The following XKR6 variants were observed in gnomAD, a reference collection of about 807,000 sequenced individuals.
XKR6 encodes the protein XK related 6.
Under a neutral mutation model 56.7 loss-of-function variants are expected in XKR6, and 22 were observed. The ratio of observed to expected loss-of-function variants is 0.39; its 90% CI spans 0.28 to 0.55. The LOEUF (loss-of-function observed/expected upper bound fraction) is 0.55. Among genes scored for constraint, XKR6 ranks in the 20% least tolerant of loss-of-function variants. XKR6 has a pLI of 0.66. For missense variants in XKR6, 852 were observed against 889.0 expected (o/e 0.96, Z 0.53); for synonymous variants, 524 against 387.8 (o/e 1.35, Z -4.13).
At chr8:10,983,246 T>C (rs1270403767) in intron 1 of XKR6, among the ~76,000 whole-genome samples, 2 of 152,068 alleles carry the variant, frequency 1.3e-5, no homozygotes, top group East Asian at 3.8e-4. Flanking sequence ...CCTGCTTTTT[T>C]TGGGAAAAAA....
chr8:11,111,353 T>C (rs968135827), intron 1 of XKR6, among the ~76,000 whole-genome samples: 11 of 152,144 alleles, frequency 7.2e-5, no homozygotes, highest in African/African-American at 2.4e-5. Flanking sequence ...CTGCCCTACA[T>C]AGTAACGTCT....
intron 1 of XKR6, among the ~76,000 whole-genome samples, chr8:11,164,357 C>A (rs1203356148): frequency 3.9e-5 from 6 of 152,258 alleles, no homozygotes; most frequent in Non-Finnish European, 7.3e-5. Context: ...GGGGTCCAGG[C>A]TCTTTTCCCA....
intron 1 of XKR6, among the ~76,000 whole-genome samples, chr8:11,114,377 T>C (rs2129180887): frequency 6.6e-6 from 1 of 152,326 alleles, no homozygotes; most frequent in East Asian, 1.9e-4. Context: ...ACTTATTTAT[T>C]TGAGACAGAG....
intron 1 of XKR6, among the ~76,000 whole-genome samples, chr8:11,045,021 T>C (rs1342610519): frequency 2.0e-5 from 3 of 151,272 alleles, no homozygotes; most frequent in Non-Finnish European, 2.9e-5. Context: ...CTTTGCTTAC[T>C]TGTAACATTC....
intron 1 of XKR6, among the ~76,000 whole-genome samples, chr8:11,065,533 C>G (rs1161524716): frequency 1.3e-5 from 2 of 151,994 alleles, no homozygotes; most frequent in Non-Finnish European, 2.9e-5. Context: ...GCAGTCTCAT[C>G]TACTTATTTT....
At chr8:10,990,198 G>A (rs184489541) in intron 1 of XKR6, among the ~76,000 whole-genome samples, 17 of 152,346 alleles carry the variant, frequency 1.1e-4, no homozygotes, top group Admixed American at 6.5e-4. Flanking sequence ...GTGATTTTCA[G>A]TGCAGTGGCA....
Position 10,926,771 on chromosome 8 carries a change from G to A in XKR6, c.765-1941C>T, listed in dbSNP as rs1429431455. ...TTCAAGGTTCTGCCACCTGCTGACT[G>A]TGGCATTTCCACTAGGTGTTGCCTT... On this transcript the variant is annotated intron_variant, in intron 1 of 2. Transcript: ENST00000416569. Among the ~76,000 whole-genome samples the A allele has an allele frequency of 2.0e-5, 3 of 152,260 alleles. No homozygotes were observed. The East Asian group carries it at 5.8e-4, about 29-fold the overall frequency.
intron 2 of XKR6, among the ~76,000 whole-genome samples, chr8:10,914,422 T>C (rs545047326): frequency 6.6e-6 from 1 of 152,290 alleles, no homozygotes; most frequent in South Asian, 2.1e-4. Flanking sequence ...GGAAAGATCT[T>C]TTGGAGATCA....
chr8:10,950,106 G>A (rs1403290814), intron 1 of XKR6, among the ~76,000 whole-genome samples: 2 of 151,942 alleles, frequency 1.3e-5, no homozygotes, highest in African/African-American at 4.8e-5. Flanking sequence ...GATGGAAGCA[G>A]GGGTGGCTGA....
intron 1 of XKR6, among the ~76,000 whole-genome samples, chr8:10,939,258 C>T (rs1267570017): frequency 6.6e-6 from 1 of 152,222 alleles, no homozygotes; most frequent in Non-Finnish European, 1.5e-5. Flanking sequence ...AGAGCCCTGG[C>T]AGAGAAGAAT....
intron 1 of XKR6, among the ~76,000 whole-genome samples, chr8:11,168,396 T>C (rs190517330): frequency 7.1e-4 from 108 of 152,184 alleles, no homozygotes; most frequent in Non-Finnish European, 1.3e-3. Flanking sequence ...TCCCAAAATA[T>C]AGGAAGCAAG....
At chr8:11,112,773 G>A (rs1798968835) in intron 1 of XKR6, among the ~76,000 whole-genome samples, 1 of 152,146 alleles carries the variant, frequency 6.6e-6, no homozygotes, top group Non-Finnish European at 1.5e-5. Flanking sequence ...CAACCTAATG[G>A]GGCCCAGATT....
intron 1 of XKR6, among the ~76,000 whole-genome samples, chr8:10,968,499 C>T (rs1028825906): frequency 1.3e-5 from 2 of 152,350 alleles, no homozygotes; most frequent in Non-Finnish European, 2.9e-5. Context: ...GTGGGCTCCT[C>T]TGCAGAACTC....
chr8:11,020,497 T>C (rs1427477051), intron 1 of XKR6, among the ~76,000 whole-genome samples: 16 of 152,174 alleles, frequency 1.1e-4, no homozygotes, highest in Non-Finnish European at 5.9e-5. Flanking sequence ...AGGGTGCTTG[T>C]AAGAACCCAT....
intron 1 of XKR6, among the ~76,000 whole-genome samples, chr8:11,155,070 T>C (rs1045991966): frequency 9.9e-5 from 15 of 152,222 alleles, no homozygotes; most frequent in Non-Finnish European, 1.9e-4. Flanking sequence ...GCCAGAACCA[T>C]GGTTTCATCC....
intron 1 of XKR6, among the ~76,000 whole-genome samples, chr8:11,044,255 A>G (rs575985985): frequency 6.6e-6 from 1 of 152,340 alleles, no homozygotes; most frequent in South Asian, 2.1e-4. Context: ...TAAGTCTCCA[A>G]CCAAAAATGA....
At chr8:11,128,892 A>G in intron 1 of XKR6, 1 of 456,836 alleles carries the variant, frequency 2.2e-6, no homozygotes, top group Non-Finnish European at 4.4e-6. Context: ...TGCCTTGGTC[A>G]CTGCTAACTG....
chr8:11,064,339 A>G (rs995953842), intron 1 of XKR6, among the ~76,000 whole-genome samples: 3 of 152,180 alleles, frequency 2.0e-5, no homozygotes, highest in Non-Finnish European at 2.9e-5. Context: ...GTGAAAAACA[A>G]ACTAAAACTG....
intron 1 of XKR6, among the ~76,000 whole-genome samples, chr8:10,987,540 A>G (rs1057162464): frequency 3.6e-4 from 55 of 152,056 alleles, no homozygotes; most frequent in Non-Finnish European, 7.4e-5. Context: ...ACCAACCCCT[A>G]TCTCTCACCT....
Sources: allele counts gnomAD v4.1 joint callset (sites outside exome capture counted in the v4.1 genomes callset), GRCh38; gene constraint gnomAD v4.1.1; transcripts MANE v1.5; gene names NCBI Gene and HGNC (gene_info 2026-07-23, HGNC 2026-07-21).